The following GALM variants were observed in gnomAD, a reference collection of about 807,000 sequenced individuals.
GALM encodes aldose 1-epimerase.
A neutral mutation model predicts 37.4 loss-of-function variants in GALM; 43 were observed. The ratio of observed to expected loss-of-function variants is 1.15; its 90% confidence interval spans 0.90 to 1.48. The LOEUF (loss-of-function observed/expected upper bound fraction) is 1.48, where lower values mean the gene tolerates loss of function less well. Among genes scored for constraint, GALM ranks in the 40% most tolerant of loss-of-function variants. The pLI is 0.00. For synonymous variants in GALM, 199 were observed against 170.6 expected, an observed-to-expected ratio of 1.17 and a Z score of -1.30; for missense variants, 456 against 419.1, an observed-to-expected ratio of 1.09 and a Z score of -0.77.
chr2:38,686,266 TTCTTTC>T (rs1665526405), intron 3 of GALM, among the ~76,000 whole-genome samples: 1 of 120,908 alleles, frequency 8.3e-6, no homozygotes, highest in African/African-American at 4.0e-5. Context: ...CTTTCTTTCT[TTCTTTC>T]TTTCTTATTT....
intron 2 of GALM, among the ~76,000 whole-genome samples, chr2:38,677,040 A>T (rs563956239): frequency 1.3e-5 from 2 of 152,260 alleles, no homozygotes; most frequent in South Asian, 4.1e-4. Flanking sequence ...CATGAAAACG[A>T]CCATTCTTTA....
chr2:38,696,251 C>T (rs947860013), intron 4 of GALM, among the ~76,000 whole-genome samples: 2 of 151,880 alleles, frequency 1.3e-5, no homozygotes, highest in African/African-American at 4.8e-5. Flanking sequence ...TCCCAAGTAG[C>T]TGGGATTACA....
At chr2:38,693,212 G>A (rs1334374132) in intron 4 of GALM, among the ~76,000 whole-genome samples, 2 of 152,216 alleles carry the variant, frequency 1.3e-5, no homozygotes, top group Non-Finnish European at 2.9e-5. Flanking sequence ...GTCGGGTGCA[G>A]TGGCTAATGC....
In GALM at chr2:38,675,762, G is replaced by A. The variant is rs547738276; in HGVS notation, c.191-150G>A. On this transcript the variant is annotated intron_variant, in intron 1 of 6. Coordinates refer to ENST00000272252, the MANE Select transcript of GALM (RefSeq NM_138801.3). ...TTTTTTGTATTTTTAGTAGAGACAG[G>A]GTTTCACCGTGTTAGCCAGGATGGT... 29 of 677,360 alleles carry A rather than the reference G, an allele frequency of 4.3e-5. No homozygotes were observed. In the South Asian group the frequency reaches 4.6e-4, roughly 11 times the overall value. The allele number at this position is 677,360 out of a possible 1,614,324, so 42.0% of individuals were successfully genotyped here. A position where few individuals can be genotyped will look rare whatever the true frequency, so the allele number is the denominator to read the frequency against.
At chr2:38,713,435 G>T (rs1426706220) in intron 4 of GALM, among the ~76,000 whole-genome samples, 1 of 29,654 alleles carries the variant, frequency 3.4e-5, no homozygotes, top group Non-Finnish European at 6.7e-5. Context: ...TTCTTGGACA[G>T]TGGTGCCCCC....
intron 6 of GALM, among the ~76,000 whole-genome samples, chr2:38,733,084 GGTGGCAGGT>G (rs1666639213): frequency 6.6e-6 from 1 of 151,874 alleles, no homozygotes; most frequent in Non-Finnish European, 1.5e-5. Flanking sequence ...ATCTGGGCAT[GGTGGCAGGT>G]GCCTGTGATC....
At chr2:38,699,054 C>T (rs1225471561) in intron 4 of GALM, among the ~76,000 whole-genome samples, 3 of 152,152 alleles carry the variant, frequency 2.0e-5, no homozygotes, top group African/African-American at 7.2e-5. Flanking sequence ...GCTGGGATTA[C>T]AAACGCCCAC....
intron 3 of GALM, among the ~76,000 whole-genome samples, chr2:38,688,303 C>T (rs895790416): frequency 2.6e-5 from 4 of 151,346 alleles, no homozygotes; most frequent in Non-Finnish European, 5.9e-5. Flanking sequence ...CCTGAGGTCG[C>T]GAGTTCGAGA....
At chr2:38,731,586 A>G in intron 5 of GALM, 149 bp from the exon 6 acceptor site, 3 of 645,620 alleles carry the variant, frequency 4.6e-6, no homozygotes, top group Non-Finnish European at 8.1e-6. Context: ...AGAATTTTCC[A>G]TCATGCTCTT....
At chr2:38,729,932 C>T (rs1460538058) in intron 5 of GALM, among the ~76,000 whole-genome samples, 1 of 152,190 alleles carries the variant, frequency 6.6e-6, no homozygotes, top group Non-Finnish European at 1.5e-5. Context: ...CTCTCTCCCT[C>T]TCTGCCTGTT....
chr2:38,710,523 C>T (rs1403559745), intron 4 of GALM, among the ~76,000 whole-genome samples: 1 of 152,140 alleles, frequency 6.6e-6, no homozygotes, highest in African/African-American at 2.4e-5. Context: ...CTGGCATGTC[C>T]CCCAAGTATT....
chr2:38,722,705 G>C (rs926652206), intron 4 of GALM, among the ~76,000 whole-genome samples: 1 of 152,156 alleles, frequency 6.6e-6, no homozygotes, highest in African/African-American at 2.4e-5. Flanking sequence ...TCTATTCTTA[G>C]CACCAAAGCA....
Position 38,719,972 on chromosome 2 carries a change from C to T in GALM, c.635-9584C>T, listed in dbSNP as rs140487421. ...CACACCAACACTTTGGGAGGCTGACCGGGTGGATTGCTTGAGCCTAGGAGT... is the reference window on the plus strand; with the variant it reads ...CACACCAACACTTTGGGAGGCTGACTGGGTGGATTGCTTGAGCCTAGGAGT... On this transcript the variant is annotated intron_variant, in intron 4 of 6. Transcript: ENST00000272252. Among the ~76,000 whole-genome samples the T allele has an allele frequency of 3.3e-5, 5 of 151,792 alleles. 1 individual carries two copies. The highest frequency in any genetic ancestry group is 4.2e-4 in the South Asian group (2 of 4,788).
At chr2:38,707,644 G>T (rs1354826913) in intron 4 of GALM, among the ~76,000 whole-genome samples, 3 of 152,126 alleles carry the variant, frequency 2.0e-5, no homozygotes. Context: ...AAAGATTCAG[G>T]AATATAGGCC....
At chr2:38,708,901 A>C (rs1001940159) in intron 4 of GALM, among the ~76,000 whole-genome samples, 11 of 152,096 alleles carry the variant, frequency 7.2e-5, no homozygotes, top group African/African-American at 2.7e-4. Context: ...AGAGCAGAGG[A>C]ATCCAGGGAA....
At chr2:38,704,093 C>T (rs1665987404) in intron 4 of GALM, among the ~76,000 whole-genome samples, 1 of 151,742 alleles carries the variant, frequency 6.6e-6, no homozygotes, top group Admixed American at 6.6e-5. Context: ...CCTTTGTGAA[C>T]TTGCTGCATC....
Position 38,731,863 on chromosome 2 carries a change from C to T in GALM, c.905C>T (p.Ser302Phe). ...AATGGAGCTGTCTATCCCAAGCACT[C>T]CGGTTTCTGCCTGGAGACTCAGAAC... ...GKNGAVYPKH[S>F]GFCLETQNWP... Residue 302 changes from serine to phenylalanine, a missense_variant, in exon 6 of 7, where the codon TCC becomes TTC. Transcript: ENST00000272252. The T allele has an allele frequency of 6.2e-7, 1 of 1,614,184 alleles. No individual in the cohort carries two copies. Among genetic ancestry groups the T allele is most frequent in the Non-Finnish European group, 8.5e-7 (1 of 1,180,030 alleles).
chr2:38,719,723 G>A (rs1254165407), intron 4 of GALM, among the ~76,000 whole-genome samples: 1 of 148,444 alleles, frequency 6.7e-6, no homozygotes, highest in Non-Finnish European at 1.5e-5. Context: ...GCCGTGAGCC[G>A]AGATCACGCC....
chr2:38,690,240 G>T (rs1012064796), intron 4 of GALM, among the ~76,000 whole-genome samples: 2 of 152,112 alleles, frequency 1.3e-5, no homozygotes, highest in Non-Finnish European at 2.9e-5. Context: ...GAGAGGCCAA[G>T]GCGGTTGGAT....
Sources: gnomAD v4.1 joint callset for allele counts (sites outside exome capture counted in the v4.1 genomes callset) on GRCh38, gnomAD v4.1.1 for gene constraint, MANE v1.5 for transcripts, NCBI Gene and HGNC (gene_info 2026-07-23, HGNC 2026-07-21) for gene names.